The following RNF32 variants were observed in gnomAD, a reference collection of about 807,000 sequenced individuals.
RNF32 encodes ring finger protein 32.
RNF32 carries 36 observed loss-of-function variants against 41.0 expected under a neutral mutation model. The ratio of observed to expected loss-of-function variants is 0.88; its 90% CI spans 0.67 to 1.16. The LOEUF (loss-of-function observed/expected upper bound fraction) is 1.16. Among genes scored for constraint, RNF32 ranks in the 50% most tolerant of loss-of-function variants. RNF32 has a pLI of 0.00. For synonymous variants in RNF32, 154 were observed against 160.9 expected (o/e 0.96, Z 0.32); for missense variants, 413 against 436.7 (o/e 0.95, Z 0.48).
At chr7:156,661,034 T>A (rs897283958) in intron 7 of RNF32, among the ~76,000 whole-genome samples, 7 of 152,206 alleles carry the variant, frequency 4.6e-5, no homozygotes, top group Non-Finnish European at 8.8e-5. Flanking sequence ...GAAGGGAATC[T>A]CTAAGTTGAG....
intron 5 of RNF32, among the ~76,000 whole-genome samples, chr7:156,657,855 C>T (rs1053782820): frequency 2.6e-5 from 4 of 152,180 alleles, no homozygotes; most frequent in Non-Finnish European, 4.4e-5. Context: ...GCATGTGGCC[C>T]CATACACACG....
chr7:156,660,320 C>T, intron 7 of RNF32: 1 of 979,698 alleles, frequency 1.0e-6, no homozygotes, highest in Non-Finnish European at 1.2e-6. Flanking sequence ...TCTAAGAGAT[C>T]AAGAAGAACA....
At chr7:156,642,460 C>T (rs1383440528) in intron 1 of RNF32, among the ~76,000 whole-genome samples, 3 of 152,340 alleles carry the variant, frequency 2.0e-5, no homozygotes, top group Non-Finnish European at 4.4e-5. Context: ...AGCACCTCCC[C>T]CTACCATGCA....
At position 156,670,342 on chromosome 7, in the gene RNF32, A is replaced by AG; in HGVS notation, c.685-5348dup. 6.6e-6 allele frequency among the ~76,000 whole-genome samples: 1 copy of AG among 152,182 alleles called. No individual in the cohort carries two copies. Among genetic ancestry groups the AG allele is most frequent in the East Asian group, 1.9e-4 (1 of 5,186 alleles). On this transcript the variant is annotated intron_variant, in intron 7 of 8. Transcript: ENST00000317955. This position sits in a 1 kb window ranked among gnomAD's most constrained non-coding sequence, Gnocchi z 4.3. ...AGCTCACTGAGGAGTCAGGTCTGCAAGGGGGGCCCTGCGTTTTGCATCCCC... is the reference window on the plus strand; with the variant it reads ...AGCTCACTGAGGAGTCAGGTCTGCAAGGGGGGGCCCTGCGTTTTGCATCCCC...
intron 7 of RNF32, among the ~76,000 whole-genome samples, chr7:156,661,303 T>G (rs1466890960): frequency 6.7e-6 from 1 of 150,134 alleles, no homozygotes; most frequent in African/African-American, 2.5e-5. Flanking sequence ...GGGTTCGTTC[T>G]GTTGCTGGGG....
At chr7:156,660,299 AAAC>A in intron 7 of RNF32, 3 of 983,474 alleles carry the variant, frequency 3.1e-6, no homozygotes, top group Non-Finnish European at 3.6e-6. Context: ...TTGTATGTTT[AAAC>A]AACACCATCT....
At chr7:156,664,716 G>A (rs568660892) in intron 7 of RNF32, among the ~76,000 whole-genome samples, 137 of 152,134 alleles carry the variant, frequency 9.0e-4, no homozygotes, top group African/African-American at 1.6e-3. Flanking sequence ...AATAATACAC[G>A]GACCCTATCT....
chr7:156,669,742 G>A lies in RNF32; in HGVS notation c.685-5954G>A, dbSNP rs1219977153. On this transcript the variant is annotated intron_variant, in intron 7 of 8. Coordinates refer to ENST00000317955, the MANE Select transcript of RNF32 (RefSeq NM_030936.4). This position sits in a 1 kb window ranked among gnomAD's most constrained non-coding sequence, Gnocchi z 4.2. Reference sequence around the variant, plus strand: ...AGGGCTGGGACTCCCAGGGAGAAGGGGCCATGGCTGGGCCCCTCCAGCACA... The same window carrying A: ...AGGGCTGGGACTCCCAGGGAGAAGGAGCCATGGCTGGGCCCCTCCAGCACA... 2.0e-5 allele frequency among the ~76,000 whole-genome samples: 3 copies of A among 152,296 alleles called. No homozygotes were observed. Among genetic ancestry groups the A allele is most frequent in the African/African-American group, 7.2e-5 (3 of 41,568 alleles).
At chr7:156,643,538 A>G (rs1797628677) in intron 1 of RNF32, among the ~76,000 whole-genome samples, 1 of 152,192 alleles carries the variant, frequency 6.6e-6, no homozygotes, top group Non-Finnish European at 1.5e-5. Context: ...TTAGCAATGG[A>G]TTAATTCATA....
chr7:156,676,763 G>C lies in RNF32; in HGVS notation c.*108G>C. 1.3e-6 allele frequency: 1 copy of C among 785,566 alleles called. No individual in the cohort carries two copies. The highest frequency in any genetic ancestry group is 2.5e-5 in the East Asian group (1 of 40,264). The allele number at this position is 785,566 out of a possible 1,614,324, so 48.7% of individuals were successfully genotyped here. On this transcript the variant is annotated 3_prime_UTR_variant, in exon 9 of 9. Transcript: ENST00000317955. ...GTACTACAATGTAATCTGTTTCCCA[G>C]GGAAATAAGCTATTGGTAGTTGTAG...
intron 2 of RNF32, 99 bp from the exon 3 acceptor site, chr7:156,644,400 T>G: frequency 1.1e-6 from 1 of 887,630 alleles, no homozygotes; most frequent in Non-Finnish European, 1.8e-6. Context: ...TTGATTTGGT[T>G]GTATGTGCCA....
chr7:156,660,779 C>A (rs1161046154), intron 7 of RNF32, among the ~76,000 whole-genome samples: 1 of 152,202 alleles, frequency 6.6e-6, no homozygotes, highest in African/African-American at 2.4e-5. Context: ...GGCCAGGAAA[C>A]CCACTCTCAA....
At chr7:156,674,745 T>C (rs1803418202) in intron 7 of RNF32, among the ~76,000 whole-genome samples, 1 of 152,228 alleles carries the variant, frequency 6.6e-6, no homozygotes, top group South Asian at 2.1e-4. Context: ...AGTGATAATA[T>C]TTTGGATCTG....
intron 7 of RNF32, among the ~76,000 whole-genome samples, chr7:156,661,267 T>C (rs1188709622): frequency 2.0e-5 from 3 of 151,872 alleles, no homozygotes; most frequent in Non-Finnish European, 1.5e-5. Flanking sequence ...TGTTAAGGTT[T>C]TCCTAGGGCC....
At chr7:156,653,435 A>T (rs1799062957) in intron 3 of RNF32, among the ~76,000 whole-genome samples, 1 of 152,150 alleles carries the variant, frequency 6.6e-6, no homozygotes, top group Non-Finnish European at 1.5e-5. Context: ...TAAGCATCTC[A>T]GGACTGTATC....
At position 156,665,148 on chromosome 7, in the gene RNF32, T is replaced by A. The variant is rs551200355; in HGVS notation, c.684+6578T>A. ...GTACTAAATAAGGACCAGCTTCAGA[T>A]TCATCGGTGTCTATAGGTTTCCTAG... is the stretch of plus-strand genomic sequence containing the variant. On this transcript the variant is annotated intron_variant, in intron 7 of 8. Transcript: ENST00000317955. 6.8e-4 allele frequency among the ~76,000 whole-genome samples: 104 copies of A among 152,336 alleles called. 1 individual carries two copies. Among genetic ancestry groups the A allele is most frequent in the African/African-American group, 2.4e-3 (98 of 41,572 alleles).
At chr7:156,659,878 T>A (rs1800348177) in intron 7 of RNF32, 1 of 984,234 alleles carries the variant, frequency 1.0e-6, no homozygotes, top group Non-Finnish European at 1.2e-6. Context: ...AAACGAAAAA[T>A]AACAAAAAGC....
chr7:156,659,149 C>A, intron 7 of RNF32: 3 of 1,240,794 alleles, frequency 2.4e-6, no homozygotes, highest in Non-Finnish European at 1.0e-6. Context: ...GACAGTCCTA[C>A]CCCATCAGCC....
chr7:156,668,544 C>G (rs1265398184), intron 7 of RNF32, among the ~76,000 whole-genome samples: 1 of 152,174 alleles, frequency 6.6e-6, no homozygotes, highest in Non-Finnish European at 1.5e-5. Context: ...CCTCTGTGTC[C>G]TCACTCCTTC....
Sources: gnomAD v4.1 joint callset for allele counts (sites outside exome capture counted in the v4.1 genomes callset) on GRCh38, gnomAD v4.1.1 for gene constraint, Gnocchi (gnomAD v3.1) non-coding constraint, MANE v1.5 for transcripts, NCBI Gene and HGNC (gene_info 2026-07-23, HGNC 2026-07-21) for gene names.